Variants in CAMLG observed in about 807,000 individuals in gnomAD.
The protein encoded by CAMLG is guided entry of tail-anchored proteins factor CAMLG.
A neutral mutation model predicts 28.9 loss-of-function variants in CAMLG; 23 were observed. The ratio of observed to expected loss-of-function variants is 0.80; its 90% CI spans 0.57 to 1.13. The LOEUF (loss-of-function observed/expected upper bound fraction) is 1.13. Ranked by LOEUF, CAMLG falls within the 50% of genes most tolerant of loss-of-function variation. CAMLG has a pLI of 0.00. For synonymous variants in CAMLG, 141 were observed against 146.5 expected, an observed-to-expected ratio of 0.96 and a Z score of 0.27; for missense variants, 367 against 371.9, an observed-to-expected ratio of 0.99 and a Z score of 0.11.
intron 2 of CAMLG, 37 bp downstream of exon 2, chr5:134,741,560 G>A (rs769082940): frequency 3.8e-6 from 5 of 1,321,292 alleles, no homozygotes; most frequent in Admixed American, 2.0e-5. Flanking sequence ...CTAACTTAAT[G>A]GAAAATGCAA....
chr5:134,745,866 C>T (rs1164872201), intron 3 of CAMLG, among the ~76,000 whole-genome samples: 1 of 150,770 alleles, frequency 6.6e-6, no homozygotes, highest in Non-Finnish European at 1.5e-5. Flanking sequence ...TGGCCAGGCA[C>T]GGTGGCTCAT....
At chr5:134,746,705 A>G (rs1753054234) in intron 3 of CAMLG, among the ~76,000 whole-genome samples, 1 of 151,922 alleles carries the variant, frequency 6.6e-6, no homozygotes, top group African/African-American at 2.4e-5. Flanking sequence ...TGGAACTCCC[A>G]GCCTCAGGTG....
chr5:134,739,393 A>C (rs922625174), intron 1 of CAMLG, among the ~76,000 whole-genome samples: 1 of 152,132 alleles, frequency 6.6e-6, no homozygotes, highest in Non-Finnish European at 1.5e-5. Context: ...GAAAAGTGAG[A>C]GTGAGCATTC....
In CAMLG at chr5:134,738,755, C is replaced by T; in HGVS notation, c.135C>T (p.Asn45=). The stretch of plus-strand genomic sequence containing the variant: ...TCATGAACTCGGAACAGCGCATCAA[C>T]CGGATCATGGGCTTTCACAGGCCCG... ...KLLMNSEQRI[N]RIMGFHRPGS... Residue 45 remains asparagine (N), a synonymous_variant, in exon 1 of 4, where the codon AAC becomes AAT. Transcript: ENST00000297156. 1 of 1,614,136 alleles carries T rather than the reference C, an allele frequency of 6.2e-7. No homozygotes were observed. Among genetic ancestry groups the T allele is most frequent in the Non-Finnish European group, 8.5e-7 (1 of 1,180,016 alleles).
At chr5:134,745,176 G>A (rs1753031252) in intron 3 of CAMLG, among the ~76,000 whole-genome samples, 4 of 152,054 alleles carry the variant, frequency 2.6e-5, no homozygotes, top group South Asian at 2.1e-4. Flanking sequence ...GGTGGCTCAC[G>A]CCTGTAATCC....
At position 134,740,995 on chromosome 5, in the gene CAMLG, A is replaced by G. The variant is rs980554632; in HGVS notation, c.173-68A>G. On this transcript the variant is annotated intron_variant, in intron 1 of 3. Coordinates refer to ENST00000297156, the MANE Select transcript of CAMLG (RefSeq NM_001745.4). ...TTCTAGCTGCAACAGCATATTTTAA[A>G]ACATAAACATGTAAGGTGTTTGCCA... is the stretch of plus-strand genomic sequence containing the variant. The G allele has an allele frequency of 3.1e-5, 32 of 1,033,560 alleles. 1 individual carries two copies. The African/African-American group carries it at 4.8e-4, about 15-fold the overall frequency. The allele number at this position is 1,033,560 out of a possible 1,614,324, so 64.0% of individuals were successfully genotyped here.
intron 1 of CAMLG, 82 bp from the exon 2 acceptor site, chr5:134,740,981 A>G: frequency 1.1e-6 from 1 of 882,416 alleles, no homozygotes; most frequent in Non-Finnish European, 1.8e-6. Context: ...TCTAGCTGCA[A>G]CAGCATATTT....
chr5:134,739,547 A>T (rs1687773703), intron 1 of CAMLG, among the ~76,000 whole-genome samples: 2 of 152,118 alleles, frequency 1.3e-5, no homozygotes, highest in South Asian at 2.1e-4. Flanking sequence ...GATTTTCTTT[A>T]AAAAAAATTT....
chr5:134,740,929 C>T, intron 1 of CAMLG, 134 bp from the exon 2 acceptor site: 1 of 660,920 alleles, frequency 1.5e-6, no homozygotes, highest in East Asian at 2.8e-5. Flanking sequence ...TTCTTTAATG[C>T]AGAATCGGTA....
At chr5:134,742,863 C>T (rs1240941402) in intron 2 of CAMLG, among the ~76,000 whole-genome samples, 4 of 152,054 alleles carry the variant, frequency 2.6e-5, no homozygotes, top group South Asian at 2.1e-4. Context: ...CTTAGCCTCC[C>T]GAGTAGCTGG....
Position 134,751,777 on chromosome 5 carries a change from T to C in CAMLG, c.*827T>C, listed in dbSNP as rs781195223. The stretch of plus-strand genomic sequence containing the variant: ...CTCACCGCAACCTCCACCTTCCTGG[T>C]TCAAGGGATTCTCCTGCCTCAGCCT... On this transcript the variant is annotated 3_prime_UTR_variant, in exon 4 of 4. Coordinates refer to ENST00000297156, the MANE Select transcript of CAMLG (RefSeq NM_001745.4). The C allele has an allele frequency of 6.3e-4, 96 of 152,280 alleles. No homozygotes were observed. The highest frequency in any genetic ancestry group is 1.0e-3 in the Non-Finnish European group (70 of 68,114). 9.4% of individuals were successfully genotyped at this position (152,280 alleles called of 1,614,324 possible).
chr5:134,746,766 T>C (rs1753054697), intron 3 of CAMLG, among the ~76,000 whole-genome samples: 1 of 149,854 alleles, frequency 6.7e-6, no homozygotes, highest in African/African-American at 2.4e-5. Context: ...TGTGAGCCAC[T>C]GCACCTGGCC....
chr5:134,742,096 T>C (rs1210190171), intron 2 of CAMLG, among the ~76,000 whole-genome samples: 1 of 152,044 alleles, frequency 6.6e-6, no homozygotes, highest in East Asian at 1.9e-4. Flanking sequence ...TGGGAGGAAG[T>C]GAGTAGGTTA....
Position 134,751,012 on chromosome 5 carries a change from T to C in CAMLG, c.*62T>C. 2 of 1,343,532 alleles carry C rather than the reference T, an allele frequency of 1.5e-6. No individual in the cohort carries two copies. The highest frequency in any genetic ancestry group is 2.1e-6 in the Non-Finnish European group (2 of 967,308). The allele number at this position is 1,343,532 out of a possible 1,614,324, so 83.2% of individuals were successfully genotyped here. ...AAAAAAATCCTCTTCTATATTGCAGTGTCTCTAAAGGAGGCAAATTGGTTT... is the reference window on the plus strand; with the variant it reads ...AAAAAAATCCTCTTCTATATTGCAGCGTCTCTAAAGGAGGCAAATTGGTTT... On this transcript the variant is annotated 3_prime_UTR_variant, in exon 4 of 4. Coordinates refer to ENST00000297156, the MANE Select transcript of CAMLG (RefSeq NM_001745.4).
chr5:134,743,651 A>C (rs1194442771), intron 2 of CAMLG, among the ~76,000 whole-genome samples: 1 of 151,902 alleles, frequency 6.6e-6, no homozygotes, highest in Admixed American at 6.6e-5. Flanking sequence ...GTGGATCACG[A>C]GGTCAGGAGT....
intron 3 of CAMLG, among the ~76,000 whole-genome samples, chr5:134,746,676 C>T (rs930292937): frequency 1.3e-5 from 2 of 151,936 alleles, no homozygotes; most frequent in African/African-American, 2.4e-5. Flanking sequence ...GAGGTGTCAC[C>T]GTGTTGGTCA....
chr5:134,741,003 C>T (rs924918212), intron 1 of CAMLG, 60 bp from the exon 2 acceptor site: 2 of 1,112,326 alleles, frequency 1.8e-6, no homozygotes, highest in Non-Finnish European at 2.7e-6. Flanking sequence ...AAAACATAAA[C>T]ATGTAAGGTG....
intron 3 of CAMLG, 113 bp from the exon 4 acceptor site, chr5:134,750,646 T>A: frequency 3.1e-6 from 2 of 651,870 alleles, no homozygotes; most frequent in South Asian, 2.2e-5. Flanking sequence ...TGAAACATCA[T>A]TAACAGTTTT....
At chr5:134,748,174 G>T (rs1239829238) in intron 3 of CAMLG, among the ~76,000 whole-genome samples, 1 of 151,882 alleles carries the variant, frequency 6.6e-6, no homozygotes, top group African/African-American at 2.4e-5. Flanking sequence ...CTTGTGATTC[G>T]CCCACCTCCG....
Sources: allele counts gnomAD v4.1 joint callset (sites outside exome capture counted in the v4.1 genomes callset), GRCh38; gene constraint gnomAD v4.1.1; transcripts MANE v1.5; gene names NCBI Gene and HGNC (gene_info 2026-07-23, HGNC 2026-07-21).